Variants in DENND4A observed in about 807,000 individuals in gnomAD.
The protein encoded by DENND4A is C-myc promoter-binding protein.
Under a neutral mutation model 199.3 loss-of-function variants are expected in DENND4A, and 70 were observed. The ratio of observed to expected loss-of-function variants is 0.35; its 90% CI spans 0.29 to 0.43. The LOEUF (loss-of-function observed/expected upper bound fraction) is 0.43. Among genes scored for constraint, DENND4A ranks in the 20% least tolerant of loss-of-function variants. The pLI is 1.00. For missense variants in DENND4A, 1,723 were observed against 2,255.8 expected, an observed-to-expected ratio of 0.76 and a Z score of 4.78; for synonymous variants, 686 against 766.9, an observed-to-expected ratio of 0.89 and a Z score of 1.74.
intron 29 of DENND4A, 142 bp downstream of exon 29, chr15:65,667,307 C>T (rs113627784): frequency 0.18 from 183,355 of 1,031,122 alleles, 17,513 homozygotes; most frequent in African/African-American, 0.28. Flanking sequence ...TCCAGCCTGG[C>T]GAAAGAGTGA....
rs2076968208 is a variant in DENND4A at position 65,691,497 on chromosome 15, G to A, written c.3097C>T (p.Leu1033=). The change falls in exon 23 of 33, where the codon CTG becomes TTG. Residue 1033 remains leucine, a synonymous_variant. Transcript: ENST00000443035. Reference sequence around the variant, plus strand: ...TCTTCAAGAGATGATATTAAGAGCAGCTCAGGTGTGCTTTCTGAAAAACAA... The same window carrying A: ...TCTTCAAGAGATGATATTAAGAGCAACTCAGGTGTGCTTTCTGAAAAACAA... ...SGESMESTPE[L]LLISSLEDTN... The A allele has an allele frequency of 6.3e-7, 1 of 1,591,010 alleles. No individual in the cohort carries two copies. Among genetic ancestry groups the A allele is most frequent in the Admixed American group, 1.8e-5 (1 of 55,062 alleles).
chr15:65,713,535 G>C (rs1349462196), intron 14 of DENND4A, among the ~76,000 whole-genome samples: 1 of 152,148 alleles, frequency 6.6e-6, no homozygotes, highest in East Asian at 1.9e-4. Flanking sequence ...TTTGTGGGAA[G>C]GTCCTTAATA....
intron 19 of DENND4A, 26 bp downstream of exon 19, chr15:65,701,025 A>T (rs748642589): frequency 1.3e-6 from 2 of 1,570,710 alleles, no homozygotes; most frequent in East Asian, 2.3e-5. Flanking sequence ...ATTTTGAAGA[A>T]CAAGTAAAAC....
At chr15:65,736,191 C>T (rs1368462061) in intron 7 of DENND4A, among the ~76,000 whole-genome samples, 1 of 152,112 alleles carries the variant, frequency 6.6e-6, no homozygotes, top group Non-Finnish European at 1.5e-5. Context: ...ATGACCAATG[C>T]ACAATGCTAC....
intron 15 of DENND4A, among the ~76,000 whole-genome samples, chr15:65,705,806 A>T (rs2075029675): frequency 6.6e-6 from 1 of 152,172 alleles, no homozygotes; most frequent in African/African-American, 2.4e-5. Context: ...CTAGTGCTGC[A>T]TTTGGTGTGG....
At chr15:65,789,291 A>G (rs185359778) in intron 1 of DENND4A, among the ~76,000 whole-genome samples, 24 of 152,288 alleles carry the variant, frequency 1.6e-4, no homozygotes, top group African/African-American at 5.8e-4. Flanking sequence ...GGCTCACGGG[A>G]TCCTCCTGCC....
chr15:65,745,262 G>C (rs1031639809), intron 4 of DENND4A, among the ~76,000 whole-genome samples: 6 of 152,120 alleles, frequency 3.9e-5, no homozygotes, highest in African/African-American at 1.4e-4. Flanking sequence ...TAAAGTGAAA[G>C]AGAATAATAT....
intron 25 of DENND4A, 33 bp from the exon 26 acceptor site, chr15:65,670,221 C>A: frequency 7.0e-7 from 1 of 1,421,592 alleles, no homozygotes; most frequent in East Asian, 2.4e-5. Flanking sequence ...ATAAAGAAAG[C>A]TGGTTAATTC....
chr15:65,780,736 T>C (rs896380040), intron 1 of DENND4A, among the ~76,000 whole-genome samples: 3 of 152,244 alleles, frequency 2.0e-5, no homozygotes, highest in Non-Finnish European at 4.4e-5. Flanking sequence ...TTACTTGCAC[T>C]AGCAAACTTA....
intron 11 of DENND4A, among the ~76,000 whole-genome samples, chr15:65,728,091 C>T (rs1161980954): frequency 1.3e-5 from 2 of 152,056 alleles, no homozygotes; most frequent in African/African-American, 4.8e-5. Context: ...TCACTGCAGC[C>T]TCCGCCTCCC....
intron 3 of DENND4A, among the ~76,000 whole-genome samples, chr15:65,754,953 C>A (rs1301456714): frequency 1.3e-5 from 2 of 152,162 alleles, no homozygotes; most frequent in African/African-American, 2.4e-5. Context: ...AAAACTTGCA[C>A]ATGAATATTC....
chr15:65,753,957 C>G (rs2076636408), intron 3 of DENND4A: 2 of 151,574 alleles, frequency 1.3e-5, no homozygotes, highest in African/African-American at 4.9e-5. Context: ...GCCTCAGCCT[C>G]CCAAGTAGCT....
At chr15:65,770,969 G>A (rs1203668429) in intron 1 of DENND4A, among the ~76,000 whole-genome samples, 6 of 152,124 alleles carry the variant, frequency 3.9e-5, no homozygotes, top group African/African-American at 1.4e-4. Context: ...AATAATTGTA[G>A]AAGCGTAACT....
chr15:65,675,119 C>G (rs1163600825), intron 24 of DENND4A, among the ~76,000 whole-genome samples: 1 of 152,086 alleles, frequency 6.6e-6, no homozygotes, highest in Non-Finnish European at 1.5e-5. Context: ...TTCTATGGAT[C>G]AAATATCTAA....
At chr15:65,757,262 TGG>T (rs71139431) in intron 2 of DENND4A, among the ~76,000 whole-genome samples, 4,027 of 102,832 alleles carry the variant, frequency 0.039, 124 homozygotes, top group African/African-American at 0.1. Context: ...TCTTCTGAGA[TGG>T]GGGGGGGGGG....
intron 29 of DENND4A, 97 bp from the exon 30 acceptor site, chr15:65,665,559 G>A: frequency 1.2e-6 from 1 of 857,214 alleles, no homozygotes; most frequent in Non-Finnish European, 1.7e-6. Flanking sequence ...GGATGTATAT[G>A]TGCGAGACAG....
chr15:65,730,854 C>A (rs1384829658), intron 9 of DENND4A, among the ~76,000 whole-genome samples: 1 of 152,022 alleles, frequency 6.6e-6, no homozygotes. Context: ...TTGAATCATA[C>A]ACTTTAATTG....
At position 65,664,735 on chromosome 15, in the gene DENND4A, A is replaced by G; in HGVS notation, c.5360-13T>C. 6.2e-7 allele frequency: 1 copy of G among 1,602,672 alleles called. No individual in the cohort carries two copies. The highest frequency in any genetic ancestry group is 8.5e-7 in the Non-Finnish European group (1 of 1,174,670). ...GGATATTTTTGGGCTGTAAACGAAC[A>G]AAAGAACAGATGAAGGAAAATGTTC... On this transcript the variant is annotated splice_polypyrimidine_tract_variant and intron_variant, in intron 30 of 32. Transcript: ENST00000443035.
At chr15:65,760,911 G>A (rs1367660012) in intron 2 of DENND4A, among the ~76,000 whole-genome samples, 1 of 151,942 alleles carries the variant, frequency 6.6e-6, no homozygotes, top group East Asian at 1.9e-4. Flanking sequence ...GGAAACAGAA[G>A]AGATATAGTA....
Sources: allele counts gnomAD v4.1 joint callset (sites outside exome capture counted in the v4.1 genomes callset), GRCh38; gene constraint gnomAD v4.1.1; transcripts MANE v1.5; gene names NCBI Gene and HGNC (gene_info 2026-07-23, HGNC 2026-07-21).